The following MCC variants were observed in gnomAD, a reference collection of about 807,000 sequenced individuals.
MCC encodes MCC regulator of Wnt signaling pathway, also known as colorectal mutant cancer protein.
MCC carries 90 observed loss-of-function variants against 116.2 expected under a neutral mutation model. That is an observed-to-expected ratio of 0.77 (90% CI 0.65 to 0.92). MCC has a LOEUF of 0.92. Ranked by LOEUF, MCC falls within the 40% of genes least tolerant of loss-of-function variation. MCC has a pLI of 0.00. For synonymous variants in MCC, 578 were observed against 510.5 expected (o/e 1.13, Z -1.78); for missense variants, 1,516 against 1,312.2 (o/e 1.16, Z -2.40).
intron 3 of MCC, among the ~76,000 whole-genome samples, chr5:113,270,501 C>T (rs1290116470): frequency 6.6e-6 from 1 of 150,984 alleles, no homozygotes; most frequent in African/African-American, 2.4e-5. Flanking sequence ...AGCCTAGTCC[C>T]CAAGGGCTAA....
intron 3 of MCC, among the ~76,000 whole-genome samples, chr5:113,310,937 T>C (rs2150367989): frequency 6.6e-6 from 1 of 152,318 alleles, no homozygotes; most frequent in African/African-American, 2.4e-5. Context: ...GCCAAGTATC[T>C]TGTTGGGTAC....
chr5:113,451,015 T>C (rs183936137), intron 1 of MCC, among the ~76,000 whole-genome samples: 4 of 152,348 alleles, frequency 2.6e-5, no homozygotes, highest in African/African-American at 9.6e-5. Flanking sequence ...GCTTCTTTTA[T>C]TCTAATGCAT....
chr5:113,266,577 C>T (rs1173594797), intron 3 of MCC, among the ~76,000 whole-genome samples: 2 of 152,100 alleles, frequency 1.3e-5, no homozygotes, highest in Non-Finnish European at 1.5e-5. Context: ...GCTCTGTCAC[C>T]CAGTCTAGAA....
chr5:113,288,501 A>G (rs1766349676), intron 3 of MCC, among the ~76,000 whole-genome samples: 1 of 152,180 alleles, frequency 6.6e-6, no homozygotes, highest in Non-Finnish European at 1.5e-5. Context: ...TTATCGACGA[A>G]TCTGCTTTTA....
chr5:113,249,628 A>T (rs1263071171), intron 3 of MCC, among the ~76,000 whole-genome samples: 1 of 152,112 alleles, frequency 6.6e-6, no homozygotes, highest in Non-Finnish European at 1.5e-5. Context: ...AAAAATAAGC[A>T]GGTAAATCTG....
intron 11 of MCC, among the ~76,000 whole-genome samples, chr5:113,072,285 A>G (rs564697932): frequency 6.6e-6 from 1 of 152,344 alleles, no homozygotes; most frequent in South Asian, 2.1e-4. Context: ...AACATGGGAG[A>G]CATCTGGTGA....
At chr5:113,425,787 G>C (rs1770465618) in intron 1 of MCC, among the ~76,000 whole-genome samples, 1 of 152,006 alleles carries the variant, frequency 6.6e-6, no homozygotes, top group Non-Finnish European at 1.5e-5. Flanking sequence ...TTTTTCATTA[G>C]GGATTTTGAA....
At position 113,129,881 on chromosome 5, in the gene MCC, T is replaced by C. The variant is rs372360229; in HGVS notation, c.885-7055A>G. On this transcript the variant is annotated intron_variant, in intron 5 of 18. Coordinates refer to ENST00000408903, the MANE Select transcript of MCC (RefSeq NM_001085377.2). Reference sequence around the variant, plus strand: ...GAGAAATAGGAACACTTTTACACTGTTGGTGGGAGTCTAAATTACTTCAAC... The same window carrying C: ...GAGAAATAGGAACACTTTTACACTGCTGGTGGGAGTCTAAATTACTTCAAC... 3.9e-5 allele frequency among the ~76,000 whole-genome samples: 6 copies of C among 152,230 alleles called. No individual in the cohort carries two copies. The South Asian group carries it at 8.3e-4, about 21-fold the overall frequency.
At chr5:113,109,366 A>G (rs1056784648) in intron 6 of MCC, among the ~76,000 whole-genome samples, 3 of 152,238 alleles carry the variant, frequency 2.0e-5, no homozygotes, top group African/African-American at 7.2e-5. Flanking sequence ...ATGCTACAAC[A>G]TGAACCCTGA....
intron 5 of MCC, among the ~76,000 whole-genome samples, chr5:113,134,423 C>G (rs945824527): frequency 6.6e-6 from 1 of 152,084 alleles, no homozygotes; most frequent in Non-Finnish European, 1.5e-5. Flanking sequence ...TGTTTCATTG[C>G]TCTATGTGTC....
intron 17 of MCC, among the ~76,000 whole-genome samples, chr5:113,034,736 G>A (rs1751213735): frequency 6.6e-6 from 1 of 152,176 alleles, no homozygotes; most frequent in Non-Finnish European, 1.5e-5. Flanking sequence ...CTCCACTGAC[G>A]TGGATCACTG....
chr5:113,198,684 T>G (rs1581241535), intron 3 of MCC, among the ~76,000 whole-genome samples: 5 of 141,898 alleles, frequency 3.5e-5, no homozygotes, highest in South Asian at 4.5e-4. Context: ...CCAGCCTGGG[T>G]GACACAGCAA....
At chr5:113,470,941 C>G (rs1163920906) in intron 1 of MCC, among the ~76,000 whole-genome samples, 1 of 152,192 alleles carries the variant, frequency 6.6e-6, no homozygotes, top group African/African-American at 2.4e-5. Flanking sequence ...CGTCTTCCAT[C>G]ACTGATACCC....
chr5:113,194,407 T>C (rs1234976722), intron 3 of MCC, among the ~76,000 whole-genome samples: 1 of 152,158 alleles, frequency 6.6e-6, no homozygotes, highest in Non-Finnish European at 1.5e-5. Context: ...GCTCACTCCC[T>C]GAATACCGAC....
At chr5:113,438,763 T>C (rs532609949) in intron 1 of MCC, among the ~76,000 whole-genome samples, 6 of 152,230 alleles carry the variant, frequency 3.9e-5, no homozygotes, top group Non-Finnish European at 8.8e-5. Context: ...CTAAAAACAC[T>C]ACGACATGGC....
At chr5:113,223,856 C>G (rs1232274903) in intron 3 of MCC, among the ~76,000 whole-genome samples, 1 of 152,086 alleles carries the variant, frequency 6.6e-6, no homozygotes, top group Non-Finnish European at 1.5e-5. Flanking sequence ...TTCAGTACAT[C>G]TAGCCCAAAA....
intron 14 of MCC, among the ~76,000 whole-genome samples, chr5:113,059,305 A>G (rs952358067): frequency 6.6e-6 from 1 of 152,166 alleles, no homozygotes; most frequent in Non-Finnish European, 1.5e-5. Flanking sequence ...CGGGGAACAG[A>G]TCAGGCGAGG....
At chr5:113,350,858 A>G (rs1056830563) in intron 2 of MCC, among the ~76,000 whole-genome samples, 3 of 152,096 alleles carry the variant, frequency 2.0e-5, no homozygotes, top group Non-Finnish European at 4.4e-5. Context: ...CAATAATCTG[A>G]TTTTAAAAAT....
At chr5:113,157,310 G>A (rs1760225944) in intron 3 of MCC, among the ~76,000 whole-genome samples, 1 of 152,180 alleles carries the variant, frequency 6.6e-6, no homozygotes, top group Non-Finnish European at 1.5e-5. Context: ...CCGATTTGCT[G>A]AGGGACAACT....
Sources: allele counts gnomAD v4.1 joint callset (sites outside exome capture counted in the v4.1 genomes callset), GRCh38; gene constraint gnomAD v4.1.1; transcripts MANE v1.5; gene names NCBI Gene and HGNC (gene_info 2026-07-23, HGNC 2026-07-21).